The following CNR1 variants were observed in gnomAD, a reference collection of about 807,000 sequenced individuals.
CNR1 encodes the protein cannabinoid receptor 1 (brain).
In CNR1, 10 loss-of-function variants were observed where a neutral mutation model predicts 23.0. The ratio of observed to expected loss-of-function variants is 0.43; its 90% CI spans 0.27 to 0.74. The LOEUF (loss-of-function observed/expected upper bound fraction) is 0.74, where lower values mean the gene tolerates loss of function less well. CNR1 is among the 30% of genes least tolerant of loss of function. The pLI is 0.19. For synonymous variants in CNR1, 271 were observed against 255.2 expected (o/e 1.06, Z -0.59); for missense variants, 422 against 618.8 (o/e 0.68, Z 3.37).
At chr6:88,166,984 C>G (rs1004223890), upstream of CNR1, among the ~76,000 whole-genome samples, 1 of 151,902 alleles carries the variant, frequency 6.6e-6, no homozygotes, top group Admixed American at 6.6e-5. Flanking sequence ...GGTCGCGCGG[C>G]CACCTGTCCT....
intron 1 of CNR1, among the ~76,000 whole-genome samples, chr6:88,159,368 A>C (rs970159608): frequency 3.9e-5 from 6 of 152,230 alleles, no homozygotes; most frequent in African/African-American, 1.2e-4. Context: ...TATTTTACAG[A>C]ATTACTCTGG....
rs775986845 is a variant in CNR1 at position 88,145,282 on chromosome 6, G to T, written c.-8C>A. On this transcript the variant is annotated 5_prime_UTR_variant, in exon 2 of 2. The change creates a new upstream start codon in the 5' untranslated region. Coordinates refer to ENST00000369501, the MANE Select transcript of CNR1 (RefSeq NM_016083.6). ...ATCTAGGATCGACTTCATAACCTCA[G>T]TCTTTGATTAGGCTGAGCTCAAAAT... The T allele has an allele frequency of 1.1e-5, 17 of 1,598,096 alleles. No individual in the cohort carries two copies. Among genetic ancestry groups the T allele is most frequent in the South Asian group, 3.4e-5 (3 of 88,642 alleles).
At chr6:88,145,716 C>T (rs1365396340) in intron 1 of CNR1, among the ~76,000 whole-genome samples, 1 of 152,218 alleles carries the variant, frequency 6.6e-6, no homozygotes, top group Non-Finnish European at 1.5e-5. Flanking sequence ...CTTCTCCTGT[C>T]ACACACACAT....
chr6:88,160,294 T>C (rs941668943), intron 1 of CNR1, among the ~76,000 whole-genome samples: 3 of 152,148 alleles, frequency 2.0e-5, no homozygotes, highest in African/African-American at 7.2e-5. Context: ...TATTTCAAAA[T>C]AAATTAATTA....
At chr6:88,163,427 C>A (rs1582381375) in intron 1 of CNR1, among the ~76,000 whole-genome samples, 1 of 152,242 alleles carries the variant, frequency 6.6e-6, no homozygotes, top group African/African-American at 2.4e-5. Context: ...TTAGAAGTTC[C>A]ATCTCATAAT....
intron 1 of CNR1, among the ~76,000 whole-genome samples, chr6:88,163,945 A>G (rs1188008629): frequency 6.6e-6 from 1 of 152,228 alleles, no homozygotes; most frequent in Non-Finnish European, 1.5e-5. Context: ...GTGGATAACA[A>G]ACAAAGCCAA....
At chr6:88,156,944 C>T (rs1777834012) in intron 1 of CNR1, among the ~76,000 whole-genome samples, 1 of 152,166 alleles carries the variant, frequency 6.6e-6, no homozygotes, top group South Asian at 2.1e-4. Flanking sequence ...ATTATTTACC[C>T]CAGGATGTCT....
chr6:88,149,034 G>A (rs1358993905), intron 1 of CNR1, among the ~76,000 whole-genome samples: 1 of 152,148 alleles, frequency 6.6e-6, no homozygotes, highest in Admixed American at 6.5e-5. Flanking sequence ...TAAAGCAGAT[G>A]GGAGCCATCA....
In CNR1 at chr6:88,140,381, T is replaced by C. The variant is rs806368; in HGVS notation, c.*3475A>G. 0.2 allele frequency: 30,527 copies of C among 152,746 alleles called. 3,686 individuals carry two copies. The highest frequency in any genetic ancestry group is 0.49 in the East Asian group (2,621 of 5,308). 9.5% of individuals were successfully genotyped at this position (152,746 alleles called of 1,614,324 possible). On this transcript the variant is annotated 3_prime_UTR_variant, in exon 2 of 2. Transcript: ENST00000369501. The stretch of plus-strand genomic sequence containing the variant: ...ACGGCAATGTAAAGAAACTCTCCCA[T>C]CCGAAAATTACTGATTTGTAGGCCA...
chr6:88,145,819 A>C (rs1367378763), intron 1 of CNR1, among the ~76,000 whole-genome samples: 1 of 152,204 alleles, frequency 6.6e-6, no homozygotes, highest in Non-Finnish European at 1.5e-5. Flanking sequence ...AAATGAGACT[A>C]AATGTAAAAG....
At chr6:88,160,314 A>G (rs1778026354) in intron 1 of CNR1, among the ~76,000 whole-genome samples, 1 of 152,200 alleles carries the variant, frequency 6.6e-6, no homozygotes, top group South Asian at 2.1e-4. Context: ...AAAAATAAAT[A>G]AATAAAAACA....
intron 1 of CNR1, among the ~76,000 whole-genome samples, chr6:88,158,272 T>C (rs1777907634): frequency 6.6e-6 from 1 of 152,240 alleles, no homozygotes; most frequent in Admixed American, 6.5e-5. Flanking sequence ...TTCTATTGTA[T>C]TCATTCCGGA....
At chr6:88,159,191 A>C (rs942468028) in intron 1 of CNR1, among the ~76,000 whole-genome samples, 1 of 152,210 alleles carries the variant, frequency 6.6e-6, no homozygotes, top group Non-Finnish European at 1.5e-5. Flanking sequence ...GAAAAAAGTA[A>C]AAGTAATTAA....
upstream of CNR1, among the ~76,000 whole-genome samples, chr6:88,166,809 C>A (rs868228903): frequency 4.3e-5 from 5 of 117,130 alleles, no homozygotes; most frequent in African/African-American, 1.4e-4. Flanking sequence ...GGAAGGGGAG[C>A]GGGAGCCCAG....
chr6:88,156,431 C>T (rs1777800295), intron 1 of CNR1, among the ~76,000 whole-genome samples: 1 of 152,148 alleles, frequency 6.6e-6, no homozygotes, highest in Non-Finnish European at 1.5e-5. Context: ...AATGGTTCTC[C>T]CCTCCACCCC....
At chr6:88,156,541 A>G (rs1198034700) in intron 1 of CNR1, among the ~76,000 whole-genome samples, 7 of 152,214 alleles carry the variant, frequency 4.6e-5, no homozygotes, top group Non-Finnish European at 8.8e-5. Flanking sequence ...TAATCATCAG[A>G]TAGTACTGGG....
chr6:88,161,888 A>G (rs1414329588), intron 1 of CNR1, among the ~76,000 whole-genome samples: 3 of 152,250 alleles, frequency 2.0e-5, no homozygotes, highest in Admixed American at 6.5e-5. Flanking sequence ...TATAAAAACT[A>G]TAACTATCTT....
chr6:88,161,384 C>T (rs886123449), intron 1 of CNR1, among the ~76,000 whole-genome samples: 2 of 152,092 alleles, frequency 1.3e-5, no homozygotes, highest in Non-Finnish European at 2.9e-5. Flanking sequence ...CTATGAACCT[C>T]GAGAATTCCA....
chr6:88,159,910 A>C (rs1777997819), intron 1 of CNR1, among the ~76,000 whole-genome samples: 1 of 152,206 alleles, frequency 6.6e-6, no homozygotes, highest in African/African-American at 2.4e-5. Context: ...AGAATAAATA[A>C]ATTTGATTAA....
Sources: allele counts gnomAD v4.1 joint callset (sites outside exome capture counted in the v4.1 genomes callset), GRCh38; gene constraint gnomAD v4.1.1; transcripts MANE v1.5; gene names NCBI Gene and HGNC (gene_info 2026-07-23, HGNC 2026-07-21).